The following IL13RA2 variants were observed in gnomAD, a reference collection of about 807,000 sequenced individuals.
IL13RA2 encodes interleukin 13 receptor subunit alpha 2, also known as interleukin-13 receptor subunit alpha-2.
IL13RA2 carries 25 observed loss-of-function variants against 34.1 expected under a neutral mutation model. The observed-to-expected ratio is 0.73, with a 90% CI of 0.53 to 1.03. The LOEUF (loss-of-function observed/expected upper bound fraction) is 1.03, where lower values mean the gene tolerates loss of function less well. IL13RA2 is among the 50% of genes least tolerant of loss of function. The pLI, the probability that IL13RA2 is intolerant of heterozygous loss-of-function variation, is 0.00. For missense variants in IL13RA2, 297 were observed against 280.9 expected, an observed-to-expected ratio of 1.06 and a Z score of -0.41; for synonymous variants, 106 against 100.4, an observed-to-expected ratio of 1.06 and a Z score of -0.33.
Position 115,010,798 on chromosome X carries a change from A to T in IL13RA2, c.552T>A (p.Cys184Ter). 8.9e-7 allele frequency: 1 copy of T among 1,120,945 alleles called. No individual in the cohort carries two copies. 92.4% of individuals were successfully genotyped at this position (1,120,945 alleles called of 1,213,427 possible). A position where few individuals can be genotyped will look rare whatever the true frequency, so the allele number is the denominator to read the frequency against. The change falls in exon 6 of 10, where the codon TGT (cysteine) becomes TGA (stop). Residue 184 changes from cysteine (C) to a stop codon, truncating the protein, a stop_gained. Coordinates refer to ENST00000243213, the MANE Select transcript of IL13RA2 (RefSeq NM_000640.3). LOFTEE classifies it high-confidence loss of function. ...GTCCATCAGCCTTGATGTAATCAAC[A>T]CACTGTAATGCATGATCCAAGCCCT... ...WYEGLDHALQ[C>*]VDYIKADGQN...
intron 5 of IL13RA2, among the ~76,000 whole-genome samples, chrX:115,013,136 T>C (rs1165835840): frequency 9.1e-6 from 1 of 110,462 alleles, no homozygotes; most frequent in Non-Finnish European, 1.9e-5. Context: ...CTGGCTACAG[T>C]GTGCAGAATG....
At position 115,015,789 on chromosome X, in the gene IL13RA2, G is replaced by T; in HGVS notation, c.127C>A (p.Pro43Thr). ...AAATAGAGATAACCTAAGTATCCGG[G>T]ATCCACTATCTCAAAATCCTGAGGA... ...NPPQDFEIVD[P>T]GYLGYLYLQW... The change falls in exon 3 of 10, where the codon CCC becomes ACC. Residue 43 changes from proline (P) to threonine (T), a missense_variant. Coordinates refer to ENST00000243213, the MANE Select transcript of IL13RA2 (RefSeq NM_000640.3). 1 of 1,185,751 alleles carries T rather than the reference G, an allele frequency of 8.4e-7. No individual in the cohort carries two copies. Among genetic ancestry groups the T allele is most frequent in the Non-Finnish European group, 1.1e-6 (1 of 872,760 alleles).
chrX:115,007,020 A>AT (rs2071687904), intron 8 of IL13RA2, among the ~76,000 whole-genome samples: 1 of 111,633 alleles, frequency 9.0e-6, no homozygotes, highest in South Asian at 3.7e-4. Flanking sequence ...CTTCTCGTTT[A>AT]TTGCCTATCT....
In IL13RA2 at chrX:115,017,226, A is replaced by C; in HGVS notation, c.44T>G (p.Leu15Arg). The change falls in exon 2 of 10, where the codon CTG becomes CGG. Residue 15 changes from leucine (L) to arginine (R), a missense_variant. Coordinates refer to ENST00000243213, the MANE Select transcript of IL13RA2 (RefSeq NM_000640.3). ...AGTACAGCCAAATGTTGTGCTTATC[A>C]GAAAGGTATATAAGCATCCGATAGC... ...CLAIGCLYTF[L>R]ISTTFGCTSS... 1 of 1,031,377 alleles carries C rather than the reference A, an allele frequency of 9.7e-7. No homozygotes were observed. Among genetic ancestry groups the C allele is most frequent in the African/African-American group, 1.8e-5 (1 of 54,271 alleles). 85.0% of individuals were successfully genotyped at this position (1,031,377 alleles called of 1,213,427 possible).
chrX:115,013,196 G>A (rs953484553), intron 5 of IL13RA2, among the ~76,000 whole-genome samples: 40 of 110,959 alleles, frequency 3.6e-4, no homozygotes, highest in Non-Finnish European at 3.8e-5. Context: ...CAGAGCGACC[G>A]TCATTTTGGA....
intron 5 of IL13RA2, among the ~76,000 whole-genome samples, chrX:115,012,536 G>C (rs2071709765): frequency 8.9e-6 from 1 of 111,867 alleles, no homozygotes; most frequent in Non-Finnish European, 1.9e-5. Flanking sequence ...AGGCTGAGGT[G>C]GGCAGATCAC....
At chrX:115,009,291 C>T (rs1556508370) in intron 7 of IL13RA2, among the ~76,000 whole-genome samples, 1 of 110,444 alleles carries the variant, frequency 9.1e-6, no homozygotes, top group East Asian at 2.8e-4. Flanking sequence ...TTTATTGACA[C>T]AAAATTGAAA....
intron 6 of IL13RA2, among the ~76,000 whole-genome samples, chrX:115,009,985 C>T (rs17095014): frequency 0.094 from 10,475 of 111,614 alleles, 1,221 homozygotes; most frequent in African/African-American, 0.32. Context: ...CCACAATCAA[C>T]AATACTACTA....
At chrX:115,011,370 T>C (rs1242969908) in intron 5 of IL13RA2, among the ~76,000 whole-genome samples, 1 of 110,006 alleles carries the variant, frequency 9.1e-6, no homozygotes, top group Non-Finnish European at 1.9e-5. Flanking sequence ...AAAGAAGGAG[T>C]TGTTTGGCAA....
At chrX:115,008,659 T>C (rs1220766711) in intron 7 of IL13RA2, among the ~76,000 whole-genome samples, 2 of 111,921 alleles carry the variant, frequency 1.8e-5, no homozygotes, top group African/African-American at 6.5e-5. Context: ...AAACTATTGC[T>C]ACAGTTATGA....
intron 8 of IL13RA2, among the ~76,000 whole-genome samples, chrX:115,006,161 G>A (rs1327459588): frequency 8.9e-6 from 1 of 112,161 alleles, no homozygotes; most frequent in Non-Finnish European, 1.9e-5. Flanking sequence ...ACTGATGTAA[G>A]TTATCTGTCA....
In IL13RA2 at chrX:115,013,799, A is replaced by T. The variant is rs1199533742; in HGVS notation, c.491T>A (p.Leu164His). 3 of 1,049,084 alleles carry T rather than the reference A, an allele frequency of 2.9e-6. No individual in the cohort carries two copies. In the Admixed American group the frequency reaches 6.7e-5, roughly 24 times the overall value. The allele number at this position is 1,049,084 out of a possible 1,213,427, so 86.5% of individuals were successfully genotyped here. A position where few individuals can be genotyped will look rare whatever the true frequency, so the allele number is the denominator to read the frequency against. The stretch of plus-strand genomic sequence containing the variant: ...AAACAAGTTGTAATTGGTATCAAGA[A>T]GTACACCTATGCCAGGTTTCCAAGA... ...LCSWKPGIGV[L>H]LDTNYNLFYW... Residue 164 changes from leucine (L) to histidine (H), a missense_variant, in exon 5 of 10, where the codon CTT becomes CAT. By Grantham distance (99) the Leu-to-His change is moderately conservative. Transcript: ENST00000243213.
intron 5 of IL13RA2, among the ~76,000 whole-genome samples, chrX:115,011,664 C>A (rs1355459350): frequency 1.8e-5 from 2 of 112,160 alleles, no homozygotes; most frequent in Non-Finnish European, 3.8e-5. Flanking sequence ...CAACTATTTA[C>A]TTTAGGGAGA....
rs112635214 is a variant in IL13RA2 at position 115,010,533 on chromosome X, C to T, written c.706+111G>A. The T allele has an allele frequency of 3.3e-5, 14 of 428,357 alleles. 1 individual carries two copies. Among genetic ancestry groups the T allele is most frequent in the African/African-American group, 2.3e-4 (9 of 39,372 alleles). 35.3% of individuals were successfully genotyped at this position (428,357 alleles called of 1,213,427 possible). ...CATAGGTCTCTGTCTCTCTCTCTGTCTATGTCTCTCTCTCCTTCCTCCCCT... is the reference window on the plus strand; with the variant it reads ...CATAGGTCTCTGTCTCTCTCTCTGTTTATGTCTCTCTCTCCTTCCTCCCCT... On this transcript the variant is annotated intron_variant, in intron 6 of 9. Coordinates refer to ENST00000243213, the MANE Select transcript of IL13RA2 (RefSeq NM_000640.3).
At chrX:115,009,719 T>C in intron 6 of IL13RA2, 53 bp from the exon 7 acceptor site, 1 of 1,095,425 alleles carries the variant, frequency 9.1e-7, no homozygotes, top group South Asian at 1.9e-5. Flanking sequence ...AGTTTAGCAG[T>C]AGCCTTTATC....
At chrX:115,007,269 A>G (rs2071688958) in intron 8 of IL13RA2, among the ~76,000 whole-genome samples, 1 of 112,164 alleles carries the variant, frequency 8.9e-6, no homozygotes, top group Admixed American at 9.4e-5. Flanking sequence ...TATCAGCATC[A>G]GTATATTTAT....
chrX:115,017,137 T>A (rs1396327399), intron 2 of IL13RA2, 39 bp downstream of exon 2: 1 of 627,204 alleles, frequency 1.6e-6, no homozygotes, highest in African/African-American at 2.2e-5. Context: ...TAATTTTACT[T>A]TTCCTAATTT....
intron 5 of IL13RA2, among the ~76,000 whole-genome samples, chrX:115,012,788 A>C (rs1211547887): frequency 1.8e-5 from 2 of 111,103 alleles, no homozygotes; most frequent in Admixed American, 9.6e-5. Flanking sequence ...AAAAAAAAAA[A>C]CAAAGTAATA....
At chrX:115,014,626 A>G in intron 3 of IL13RA2, 52 bp from the exon 4 acceptor site, 1 of 921,160 alleles carries the variant, frequency 1.1e-6, no homozygotes, top group East Asian at 3.1e-5. Context: ...TCCATGGTAT[A>G]GTGAGCTATA....
Sources: gnomAD v4.1 joint callset for allele counts (sites outside exome capture counted in the v4.1 genomes callset) on GRCh38, gnomAD v4.1.1 for gene constraint, MANE v1.5 for transcripts, NCBI Gene and HGNC (gene_info 2026-07-23, HGNC 2026-07-21) for gene names.